The following CSMD1 variants were observed in gnomAD, a reference collection of about 807,000 sequenced individuals.
CSMD1 encodes CUB and sushi domain-containing protein 1.
A neutral mutation model predicts 417.5 loss-of-function variants in CSMD1; 213 were observed. The observed-to-expected ratio is 0.51, with a 90% CI of 0.46 to 0.57. The LOEUF (loss-of-function observed/expected upper bound fraction) is 0.57. Ranked by LOEUF, CSMD1 falls within the 20% of genes least tolerant of loss-of-function variation. CSMD1 has a pLI of 0.00. For synonymous variants in CSMD1, 2,862 were observed against 1,736.8 expected (o/e 1.65, Z -16.11); for missense variants, 6,923 against 4,529.7 (o/e 1.53, Z -15.17).
At chr8:4,628,810 A>T (rs1802324298) in intron 2 of CSMD1, among the ~76,000 whole-genome samples, 1 of 152,090 alleles carries the variant, frequency 6.6e-6, no homozygotes, top group South Asian at 2.1e-4. Context: ...TGTTAAAATT[A>T]TATCTAGATC....
At chr8:4,180,470 T>G (rs1270686991) in intron 3 of CSMD1, among the ~76,000 whole-genome samples, 1 of 150,774 alleles carries the variant, frequency 6.6e-6, no homozygotes, top group Non-Finnish European at 1.5e-5. Context: ...GAGATATGCC[T>G]AATGCTAAAT....
chr8:2,974,644 C>A lies in CSMD1; in HGVS notation c.8567-20G>T. 11 of 1,542,382 alleles carry A rather than the reference C, an allele frequency of 7.1e-6. No homozygotes were observed. Among genetic ancestry groups the A allele is most frequent in the Non-Finnish European group, 9.6e-6 (11 of 1,140,012 alleles). ...ATATAGCTTCAGAAAAAAGATAAAACAATTGAGTACATCCTTCCAGTTAAA... is the reference window on the plus strand; with the variant it reads ...ATATAGCTTCAGAAAAAAGATAAAAAAATTGAGTACATCCTTCCAGTTAAA... On this transcript the variant is annotated intron_variant, in intron 55 of 69. Transcript: ENST00000635120.
chr8:3,076,485 C>G (rs1177836136), intron 49 of CSMD1, among the ~76,000 whole-genome samples: 1 of 114,318 alleles, frequency 8.7e-6, no homozygotes, highest in Non-Finnish European at 1.9e-5. Context: ...ACCCATGACA[C>G]CAAGTAGCAG....
At chr8:4,147,931 CTG>C (rs1199319328) in intron 3 of CSMD1, among the ~76,000 whole-genome samples, 6 of 152,104 alleles carry the variant, frequency 3.9e-5, no homozygotes, top group Admixed American at 2.0e-4. Flanking sequence ...AGCACAAACT[CTG>C]GGGTGCACCA....
intron 3 of CSMD1, among the ~76,000 whole-genome samples, chr8:4,342,820 C>T (rs1166057331): frequency 2.7e-5 from 4 of 147,416 alleles, no homozygotes; most frequent in Admixed American, 1.3e-4. Context: ...GCCACAACAT[C>T]GCAAAGAAAA....
chr8:3,525,515 C>G (rs1415308017), intron 10 of CSMD1, among the ~76,000 whole-genome samples: 1 of 152,172 alleles, frequency 6.6e-6, no homozygotes, highest in Non-Finnish European at 1.5e-5. Flanking sequence ...TACCCTGACA[C>G]TGATTTTACT....
chr8:4,124,014 TCTAA>T (rs949978497), intron 3 of CSMD1, among the ~76,000 whole-genome samples: 14 of 152,120 alleles, frequency 9.2e-5, no homozygotes, highest in African/African-American at 9.7e-5. Flanking sequence ...TAATGGATTA[TCTAA>T]CTTTTTTTTT....
At chr8:4,275,251 C>G (rs185211865) in intron 3 of CSMD1, among the ~76,000 whole-genome samples, 1 of 151,550 alleles carries the variant, frequency 6.6e-6, no homozygotes, top group Non-Finnish European at 1.5e-5. Context: ...TAAATATGGG[C>G]GAAATGAAAG....
chr8:3,872,052 C>G (rs1006040494), intron 5 of CSMD1, among the ~76,000 whole-genome samples: 16 of 152,148 alleles, frequency 1.1e-4, no homozygotes, highest in Admixed American at 9.2e-4. Context: ...CATTATATTG[C>G]TCTTTTAGGA....
At chr8:3,438,992 G>A (rs1029655306) in intron 12 of CSMD1, among the ~76,000 whole-genome samples, 27 of 150,976 alleles carry the variant, frequency 1.8e-4, no homozygotes, top group African/African-American at 6.1e-4. Flanking sequence ...GTGGGCACCT[G>A]TAATCCCAAA....
rs536756383 is a variant in CSMD1, at chr8:3,267,246, C to T, written c.4153+16898G>A. ...AGTGGCTCACTGCTAGCTTGCATGA[C>T]CGTTGGAAGGAAGTGAAGGGAAACC... On this transcript the variant is annotated intron_variant, in intron 26 of 69. Transcript: ENST00000635120. 2.6e-5 allele frequency among the ~76,000 whole-genome samples: 4 copies of T among 152,100 alleles called. No homozygotes were observed. The South Asian group carries it at 8.3e-4, about 32-fold the overall frequency.
intron 1 of CSMD1, among the ~76,000 whole-genome samples, chr8:4,715,797 T>C (rs1676966): frequency 0.29 from 44,701 of 151,978 alleles, 7,584 homozygotes; most frequent in Non-Finnish European, 0.38. Context: ...AACGAGCCCG[T>C]CCTCCTATCT....
Position 3,091,662 on chromosome 8 carries a change from C to G in CSMD1, c.7139G>C (p.Gly2380Ala). The change falls in exon 48 of 70, where the codon GGT (glycine) becomes GCT (alanine). Residue 2380 changes from glycine to alanine, a missense_variant and splice_region_variant. Gly to Ala is a moderately conservative substitution (Grantham distance 60). Transcript: ENST00000635120. ...TAGCAGAGGACTTTGCCCAGAAGAACCTAAGTGAAACAGAAAAACAAAAAC... is the reference window on the plus strand; with the variant it reads ...TAGCAGAGGACTTTGCCCAGAAGAAGCTAAGTGAAACAGAAAAACAAAAAC... ...KQFDALEVFD[G>A]SSGQSPLLVV... 1.2e-6 allele frequency: 2 copies of G among 1,606,180 alleles called. No homozygotes were observed. Among genetic ancestry groups the G allele is most frequent in the Non-Finnish European group, 1.7e-6 (2 of 1,178,170 alleles).
rs140229739 is a variant in CSMD1 at position 3,615,876 on chromosome 8, T to C, written c.1097+834A>G. On this transcript the variant is annotated intron_variant, in intron 8 of 69. Transcript: ENST00000635120. ...TGCATCCATCTTGTAAGATGGAAAA[T>C]GTTACATTTCTTGAACTCACTGAAA... 5.3e-3 allele frequency among the ~76,000 whole-genome samples: 809 copies of C among 152,284 alleles called. 5 individuals carry two copies. The highest frequency in any genetic ancestry group is 0.019 in the African/African-American group (776 of 41,570).
intron 3 of CSMD1, among the ~76,000 whole-genome samples, chr8:4,160,043 T>A (rs1223643147): frequency 6.6e-6 from 1 of 151,834 alleles, no homozygotes; most frequent in African/African-American, 2.4e-5. Flanking sequence ...CAAAGAACTT[T>A]CATGTAACCA....
At chr8:3,469,953 A>T (rs778128382) in intron 11 of CSMD1, among the ~76,000 whole-genome samples, 1 of 152,204 alleles carries the variant, frequency 6.6e-6, no homozygotes, top group African/African-American at 2.4e-5. Flanking sequence ...GCTTGTTTGA[A>T]GAGAGATTTT....
intron 5 of CSMD1, among the ~76,000 whole-genome samples, chr8:3,930,355 A>G (rs1202982465): frequency 1.3e-5 from 2 of 150,610 alleles, no homozygotes; most frequent in Non-Finnish European, 3.0e-5. Flanking sequence ...TAAAGAAATC[A>G]ATGTATTTTA....
chr8:3,283,058 G>A (rs981087638), intron 26 of CSMD1, among the ~76,000 whole-genome samples: 4 of 152,148 alleles, frequency 2.6e-5, no homozygotes, highest in African/African-American at 9.7e-5. Flanking sequence ...TCAAAAATGG[G>A]CTAGACAGCA....
intron 4 of CSMD1, among the ~76,000 whole-genome samples, chr8:4,016,783 T>G (rs1177684532): frequency 4.6e-5 from 7 of 152,226 alleles, no homozygotes; most frequent in African/African-American, 1.4e-4. Flanking sequence ...ATGTGTATAG[T>G]TGGGTTTTTT....
Sources: gnomAD v4.1 joint callset for allele counts (sites outside exome capture counted in the v4.1 genomes callset) on GRCh38, gnomAD v4.1.1 for gene constraint, MANE v1.5 for transcripts, NCBI Gene and HGNC (gene_info 2026-07-23, HGNC 2026-07-21) for gene names.